Variants in MALRD1 observed in about 807,000 individuals in gnomAD.
MALRD1 encodes the protein MAM and LDL receptor class A domain containing 1.
MALRD1 carries 247 observed loss-of-function variants against 242.1 expected under a neutral mutation model. The ratio of observed to expected loss-of-function variants is 1.02; its 90% CI spans 0.92 to 1.13. The LOEUF (loss-of-function observed/expected upper bound fraction) is 1.13. MALRD1 is among the 50% of genes most tolerant of loss of function. The probability of loss-of-function intolerance (pLI) is 0.00; values close to 1 mark genes in which losing one functional copy is unlikely to be tolerated. For synonymous variants in MALRD1, 995 were observed against 866.6 expected, an observed-to-expected ratio of 1.15 and a Z score of -2.60; for missense variants, 2,989 against 2,533.1, an observed-to-expected ratio of 1.18 and a Z score of -3.86.
chr10:19,291,380 A>T (rs972821046), intron 21 of MALRD1: 1 of 152,108 alleles, frequency 6.6e-6, no homozygotes, highest in Non-Finnish European at 1.5e-5. Context: ...AAAACCTTGG[A>T]TTAAAATCTC....
In MALRD1 at chr10:19,153,834, C is replaced by T. The variant is rs912198129; in HGVS notation, c.1559-1241C>T. On this transcript the variant is annotated intron_variant, in intron 11 of 39. Coordinates refer to ENST00000454679, the MANE Select transcript of MALRD1 (RefSeq NM_001142308.3). ...GCCTTTTGCTTCATTTAGATTTTGG[C>T]GTCTTAATGTGTACATGTTCTCACC... Among the ~76,000 whole-genome samples, 8 of 152,032 alleles carry T rather than the reference C, an allele frequency of 5.3e-5. No homozygotes were observed. In the South Asian group the frequency reaches 8.3e-4, roughly 16 times the overall value.
chr10:19,528,575 G>A (rs919535789), intron 31 of MALRD1, among the ~76,000 whole-genome samples: 1 of 152,142 alleles, frequency 6.6e-6, no homozygotes, highest in Non-Finnish European at 1.5e-5. Flanking sequence ...CCTGGCGACA[G>A]AGCAAGACTC....
chr10:19,225,794 A>G (rs768984249), intron 18 of MALRD1, among the ~76,000 whole-genome samples: 5 of 152,210 alleles, frequency 3.3e-5, no homozygotes, highest in Non-Finnish European at 5.9e-5. Flanking sequence ...TATCATGTGC[A>G]GTACTTAACT....
chr10:19,244,607 A>G (rs181737247), intron 18 of MALRD1, among the ~76,000 whole-genome samples: 140 of 152,174 alleles, frequency 9.2e-4, no homozygotes, highest in Non-Finnish European at 3.8e-4. Flanking sequence ...TTCTATTTCT[A>G]TGTGATTCAA....
intron 19 of MALRD1, among the ~76,000 whole-genome samples, chr10:19,261,273 A>G (rs1273594929): frequency 1.3e-5 from 2 of 151,994 alleles, no homozygotes; most frequent in Non-Finnish European, 2.9e-5. Context: ...GAGTTTTGGA[A>G]GAAAAATAAA....
At chr10:19,368,887 G>T (rs1258518443) in intron 26 of MALRD1, among the ~76,000 whole-genome samples, 1 of 93,150 alleles carries the variant, frequency 1.1e-5, no homozygotes, top group Non-Finnish European at 2.2e-5. Context: ...GTGTGTGTGT[G>T]TGTTTGTGTG....
At chr10:19,149,461 G>A (rs768254363) in intron 11 of MALRD1, among the ~76,000 whole-genome samples, 5 of 151,946 alleles carry the variant, frequency 3.3e-5, no homozygotes, top group African/African-American at 7.3e-5. Flanking sequence ...CATCGAAATA[G>A]GCAACTCATG....
chr10:19,367,252 C>G (rs772518151), intron 26 of MALRD1, among the ~76,000 whole-genome samples: 5 of 152,136 alleles, frequency 3.3e-5, no homozygotes, highest in Admixed American at 6.6e-5. Context: ...AGCAAACTCT[C>G]CCTATCCTCC....
At chr10:19,384,777 C>T (rs2130798283) in intron 26 of MALRD1, among the ~76,000 whole-genome samples, 1 of 147,608 alleles carries the variant, frequency 6.8e-6, no homozygotes. Flanking sequence ...TACCTAATTG[C>T]TCAGGCTAGG....
intron 38 of MALRD1, among the ~76,000 whole-genome samples, chr10:19,707,340 C>T (rs940094408): frequency 4.6e-5 from 7 of 152,236 alleles, no homozygotes; most frequent in Non-Finnish European, 8.8e-5. Context: ...ACCACACCTT[C>T]GTAAATTGCC....
chr10:19,372,244 T>C (rs1845411088), intron 26 of MALRD1, among the ~76,000 whole-genome samples: 1 of 152,140 alleles, frequency 6.6e-6, no homozygotes, highest in Non-Finnish European at 1.5e-5. Context: ...TAACAACTCT[T>C]GGATTGTTGA....
chr10:19,452,101 T>C (rs1294569011), intron 29 of MALRD1, among the ~76,000 whole-genome samples: 1 of 152,200 alleles, frequency 6.6e-6, no homozygotes, highest in Admixed American at 6.5e-5. Context: ...AATCTAGAAA[T>C]GATTCTGGCA....
At chr10:19,325,040 T>G (rs528905011) in intron 22 of MALRD1, among the ~76,000 whole-genome samples, 1 of 149,344 alleles carries the variant, frequency 6.7e-6, no homozygotes, top group East Asian at 2.0e-4. Flanking sequence ...TGAACTAATT[T>G]TACAATGCTG....
At chr10:19,522,364 C>T (rs1314851228) in intron 31 of MALRD1, among the ~76,000 whole-genome samples, 1 of 151,998 alleles carries the variant, frequency 6.6e-6, no homozygotes, top group African/African-American at 2.4e-5. Context: ...GATTAAAAGG[C>T]CATTAGTGTG....
intron 32 of MALRD1, among the ~76,000 whole-genome samples, chr10:19,544,438 T>C (rs1182521228): frequency 6.6e-6 from 1 of 152,122 alleles, no homozygotes; most frequent in Non-Finnish European, 1.5e-5. Flanking sequence ...TTCGCCCACC[T>C]AGGCCTCCCA....
chr10:19,166,804 A>G (rs1834705208), intron 13 of MALRD1, among the ~76,000 whole-genome samples: 1 of 152,186 alleles, frequency 6.6e-6, no homozygotes, highest in African/African-American at 2.4e-5. Flanking sequence ...TCTGGATGAC[A>G]TTTGAAAAGA....
chr10:19,124,192 G>A (rs567109823), intron 6 of MALRD1, among the ~76,000 whole-genome samples: 3 of 152,220 alleles, frequency 2.0e-5, no homozygotes, highest in Non-Finnish European at 2.9e-5. Context: ...ATTTGGCCTG[G>A]GTGGCAGAAC....
At chr10:19,437,384 A>G (rs1834391676) in intron 28 of MALRD1, among the ~76,000 whole-genome samples, 1 of 152,138 alleles carries the variant, frequency 6.6e-6, no homozygotes, top group Admixed American at 6.6e-5. Flanking sequence ...GTAAGTAAAT[A>G]ACTTCCAATT....
At chr10:19,545,374 A>G (rs368579761) in intron 32 of MALRD1, among the ~76,000 whole-genome samples, 2 of 152,212 alleles carry the variant, frequency 1.3e-5, no homozygotes, top group African/African-American at 4.8e-5. Flanking sequence ...TATGCATTTC[A>G]GATAAGTGCA....
Sources: allele counts gnomAD v4.1 joint callset (sites outside exome capture counted in the v4.1 genomes callset), GRCh38; gene constraint gnomAD v4.1.1; transcripts MANE v1.5; gene names NCBI Gene and HGNC (gene_info 2026-07-23, HGNC 2026-07-21).